Variants in FAP observed in about 807,000 individuals in gnomAD.
The protein encoded by FAP is prolyl endopeptidase FAP.
A neutral mutation model predicts 126.5 loss-of-function variants in FAP; 110 were observed. That is an observed-to-expected ratio of 0.87 (90% CI 0.74 to 1.02). FAP has a LOEUF of 1.02. Ranked by LOEUF, FAP falls within the 50% of genes least tolerant of loss-of-function variation. The pLI, the probability that FAP is intolerant of heterozygous loss-of-function variation, is 0.00. For synonymous variants in FAP, 334 were observed against 297.3 expected, an observed-to-expected ratio of 1.12 and a Z score of -1.27; for missense variants, 919 against 909.2, an observed-to-expected ratio of 1.01 and a Z score of -0.14.
intron 20 of FAP, among the ~76,000 whole-genome samples, chr2:162,183,942 A>T (rs1421519930): frequency 6.6e-6 from 1 of 152,236 alleles, no homozygotes; most frequent in African/African-American, 2.4e-5. Context: ...AGAGAAATAT[A>T]CAACCGTCTT....
chr2:162,195,467 C>A (rs900132503), intron 16 of FAP, among the ~76,000 whole-genome samples: 1 of 151,794 alleles, frequency 6.6e-6, no homozygotes, highest in Non-Finnish European at 1.5e-5. Flanking sequence ...GCTTTACCCC[C>A]CTAGCATTGG....
chr2:162,196,302 G>A lies in FAP; in HGVS notation c.1403-1554C>T, dbSNP rs144409955. 2.3e-3 allele frequency among the ~76,000 whole-genome samples: 353 copies of A among 152,276 alleles called. 1 individual carries two copies. The highest frequency in any genetic ancestry group is 7.8e-3 in the African/African-American group (325 of 41,560). On this transcript the variant is annotated intron_variant, in intron 16 of 25. Transcript: ENST00000188790. ...TCCCTCAAGACTCAAAACTTCCTGT[G>A]TGGAATCTCAGAATTTTATAGAATG...
At chr2:162,192,545 G>A (rs1688087797) in intron 17 of FAP, among the ~76,000 whole-genome samples, 1 of 151,916 alleles carries the variant, frequency 6.6e-6, no homozygotes, top group South Asian at 2.1e-4. Flanking sequence ...ATCCACTCTT[G>A]TTTTGTCCAC....
At chr2:162,173,928 A>G in intron 22 of FAP, 141 bp from the exon 23 acceptor site, 1 of 669,068 alleles carries the variant, frequency 1.5e-6, no homozygotes, top group Non-Finnish European at 2.7e-6. Context: ...ACTTTGCTAT[A>G]ATGGTTGGCC....
intron 16 of FAP, among the ~76,000 whole-genome samples, chr2:162,196,723 T>C (rs1356862614): frequency 6.6e-6 from 1 of 152,080 alleles, no homozygotes; most frequent in Non-Finnish European, 1.5e-5. Flanking sequence ...TCGGGAGAGT[T>C]TGAAGTTACA....
intron 2 of FAP, among the ~76,000 whole-genome samples, chr2:162,231,768 T>C (rs1038479206): frequency 2.6e-5 from 4 of 152,238 alleles, no homozygotes; most frequent in East Asian, 1.9e-4. Context: ...GCCATTTGAT[T>C]GTCTAGTACT....
chr2:162,236,263 C>T (rs1249452418), intron 2 of FAP, among the ~76,000 whole-genome samples: 1 of 152,040 alleles, frequency 6.6e-6, no homozygotes, highest in Non-Finnish European at 1.5e-5. Context: ...TTATAATTTT[C>T]TCTTCTTGTG....
chr2:162,204,689 C>T (rs191464822), intron 12 of FAP, among the ~76,000 whole-genome samples: 6 of 152,234 alleles, frequency 3.9e-5, no homozygotes, highest in East Asian at 1.9e-4. Flanking sequence ...CCATGATTTC[C>T]GACTTCCAGC....
intron 2 of FAP, among the ~76,000 whole-genome samples, chr2:162,240,332 ATAATCCAGT>A (rs772594083): frequency 6.6e-6 from 1 of 152,264 alleles, no homozygotes; most frequent in Non-Finnish European, 1.5e-5. Context: ...ATTTGTTCTT[ATAATCCAGT>A]TTAATTATTC....
intron 9 of FAP, among the ~76,000 whole-genome samples, chr2:162,216,817 A>G (rs1484584726): frequency 6.6e-6 from 1 of 152,226 alleles, no homozygotes; most frequent in Non-Finnish European, 1.5e-5. Context: ...AGTTTATCAG[A>G]AACTCCCTTA....
chr2:162,242,986 C>T lies in FAP; in HGVS notation c.13G>A (p.Val5Ile). 1 of 1,611,168 alleles carries T rather than the reference C, an allele frequency of 6.2e-7. No homozygotes were observed. The highest frequency in any genetic ancestry group is 8.5e-7 in the Non-Finnish European group (1 of 1,178,158). Reference sequence around the variant, plus strand: ...GTGGCAACTCCAAATACGATTTTTACCCAAGTCTACATAAAATAAAGAGAA... The same window carrying T: ...GTGGCAACTCCAAATACGATTTTTATCCAAGTCTACATAAAATAAAGAGAA... MKTWVKIVFGVATSA... is the reference protein window; with the variant it reads MKTWIKIVFGVATSA... The change falls in exon 2 of 26, where the codon GTA (valine) becomes ATA (isoleucine). Residue 5 changes from valine (V) to isoleucine (I), a missense_variant. Transcript: ENST00000188790.
intron 14 of FAP, among the ~76,000 whole-genome samples, chr2:162,201,045 A>G (rs920999789): frequency 6.6e-6 from 1 of 152,180 alleles, no homozygotes; most frequent in African/African-American, 2.4e-5. Context: ...CAAATTGAGG[A>G]TATCACACTG....
At chr2:162,216,127 ATTC>A (rs2106270485) in intron 9 of FAP, 126 bp from the exon 10 acceptor site, 1 of 622,680 alleles carries the variant, frequency 1.6e-6, no homozygotes, top group Non-Finnish European at 2.8e-6. Flanking sequence ...TGTGGAATAC[ATTC>A]TATTTATAAC....
At chr2:162,219,397 C>G (rs1689290534) in intron 7 of FAP, among the ~76,000 whole-genome samples, 1 of 152,022 alleles carries the variant, frequency 6.6e-6, no homozygotes, top group African/African-American at 2.4e-5. Context: ...AAAATAAAGC[C>G]TATTATTTTC....
chr2:162,191,897 C>T (rs1193023061), intron 17 of FAP, among the ~76,000 whole-genome samples: 1 of 152,132 alleles, frequency 6.6e-6, no homozygotes, highest in Non-Finnish European at 1.5e-5. Context: ...GAAGCCACTT[C>T]ACTGTGTTCC....
In FAP at chr2:162,225,431, A is replaced by T. The variant is rs1395378253; in HGVS notation, c.285+52T>A. ...AGACTTTGAACTCTGTTTCTTGGTCAATGAAGAGTGGGCAAAGGTTTCTGA... is the reference window on the plus strand; with the variant it reads ...AGACTTTGAACTCTGTTTCTTGGTCTATGAAGAGTGGGCAAAGGTTTCTGA... On this transcript the variant is annotated intron_variant, in intron 4 of 25. Coordinates refer to ENST00000188790, the MANE Select transcript of FAP (RefSeq NM_004460.5). 3 of 1,567,570 alleles carry T rather than the reference A, an allele frequency of 1.9e-6. No individual in the cohort carries two copies. In the African/African-American group the frequency reaches 4.1e-5, roughly 21 times the overall value.
At chr2:162,188,526 G>A (rs1257985211) in intron 19 of FAP, among the ~76,000 whole-genome samples, 163 bp from the exon 20 acceptor site, 1 of 152,028 alleles carries the variant, frequency 6.6e-6, no homozygotes, top group East Asian at 1.9e-4. Context: ...GCTTTTCCCA[G>A]AGGTTTGCTA....
intron 5 of FAP, 70 bp from the exon 6 acceptor site, chr2:162,223,730 A>T (rs1689511350): frequency 1.1e-6 from 1 of 930,346 alleles, no homozygotes; most frequent in Non-Finnish European, 1.8e-6. Context: ...ATGTATAATC[A>T]TATAGCATCC....
chr2:162,219,659 C>T (rs1195647648), intron 7 of FAP, among the ~76,000 whole-genome samples, 194 bp downstream of exon 7: 1 of 152,136 alleles, frequency 6.6e-6, no homozygotes, highest in African/African-American at 2.4e-5. Flanking sequence ...TTAAAGAAGT[C>T]TATCCATGAG....
Sources: allele counts gnomAD v4.1 joint callset (sites outside exome capture counted in the v4.1 genomes callset), GRCh38; gene constraint gnomAD v4.1.1; transcripts MANE v1.5; gene names NCBI Gene and HGNC (gene_info 2026-07-23, HGNC 2026-07-21).